The following AFG1L variants were observed in gnomAD, a reference collection of about 807,000 sequenced individuals.
The protein encoded by AFG1L is AFG1-like ATPase.
AFG1L carries 53 observed loss-of-function variants against 62.2 expected under a neutral mutation model. The observed-to-expected ratio is 0.85, with a 90% CI of 0.68 to 1.07. The LOEUF (loss-of-function observed/expected upper bound fraction) is 1.07. Ranked by LOEUF, AFG1L falls within the 50% of genes least tolerant of loss-of-function variation. The probability of loss-of-function intolerance (pLI) is 0.00; values close to 1 mark genes in which losing one functional copy is unlikely to be tolerated. For missense variants in AFG1L, 555 were observed against 590.5 expected, an observed-to-expected ratio of 0.94 and a Z score of 0.62; for synonymous variants, 228 against 210.3, an observed-to-expected ratio of 1.08 and a Z score of -0.73.
intron 1 of AFG1L, among the ~76,000 whole-genome samples, chr6:108,308,796 C>A (rs1777300305): frequency 6.6e-6 from 1 of 152,154 alleles, no homozygotes; most frequent in Non-Finnish European, 1.5e-5. Flanking sequence ...CTCTCCACCT[C>A]CCAGGTTCAA....
chr6:108,297,612 T>C (rs1031928902), intron 1 of AFG1L, among the ~76,000 whole-genome samples: 1 of 151,926 alleles, frequency 6.6e-6, no homozygotes, highest in Non-Finnish European at 1.5e-5. Context: ...CCTGGCACTT[T>C]GGAAGCCTGA....
At chr6:108,375,664 A>G (rs1464745143) in intron 6 of AFG1L, among the ~76,000 whole-genome samples, 1 of 152,198 alleles carries the variant, frequency 6.6e-6, no homozygotes, top group African/African-American at 2.4e-5. Flanking sequence ...CTTGCATCCC[A>G]GGACTGAGGC....
intron 7 of AFG1L, among the ~76,000 whole-genome samples, chr6:108,413,447 A>G (rs1464331918): frequency 2.0e-5 from 3 of 152,214 alleles, no homozygotes; most frequent in Non-Finnish European, 4.4e-5. Context: ...TCTCCACCCC[A>G]AATCAACAGA....
intron 11 of AFG1L, among the ~76,000 whole-genome samples, chr6:108,516,698 G>A (rs1008717284): frequency 1.3e-5 from 2 of 152,170 alleles, no homozygotes; most frequent in Non-Finnish European, 2.9e-5. Flanking sequence ...ATTCGGAAAA[G>A]AGGAAGTCAA....
At chr6:108,446,080 ACACACAC>A (rs1771779313) in intron 7 of AFG1L, among the ~76,000 whole-genome samples, 1 of 151,308 alleles carries the variant, frequency 6.6e-6, no homozygotes, top group South Asian at 2.1e-4. Context: ...ACACACACAC[ACACACAC>A]ACACACACAC....
At chr6:108,395,530 T>C (rs1781257318) in intron 6 of AFG1L, among the ~76,000 whole-genome samples, 1 of 150,712 alleles carries the variant, frequency 6.6e-6, no homozygotes, top group Non-Finnish European at 1.5e-5. Context: ...TCTTCCTGAG[T>C]AGCTGAAGCT....
At chr6:108,343,465 A>G (rs1453976013) in intron 2 of AFG1L, among the ~76,000 whole-genome samples, 2 of 152,122 alleles carry the variant, frequency 1.3e-5, no homozygotes, top group African/African-American at 2.4e-5. Context: ...TATATAATGT[A>G]GCAGTATTAG....
chr6:108,445,628 T>C (rs1771739907), intron 7 of AFG1L, among the ~76,000 whole-genome samples: 1 of 125,472 alleles, frequency 8.0e-6, no homozygotes, highest in Admixed American at 8.5e-5. Context: ...TAGGGACACC[T>C]AAGGTGAGAG....
intron 7 of AFG1L, among the ~76,000 whole-genome samples, chr6:108,433,793 A>T (rs916003148): frequency 1.4e-5 from 2 of 144,084 alleles, no homozygotes; most frequent in African/African-American, 5.2e-5. Context: ...GGGTTTCACC[A>T]TGTTGGCCAG....
intron 7 of AFG1L, among the ~76,000 whole-genome samples, chr6:108,417,279 CA>C (rs1770349821): frequency 7.8e-6 from 1 of 128,138 alleles, no homozygotes; most frequent in Non-Finnish European, 1.6e-5. Flanking sequence ...CACACACACA[CA>C]CACACACAAA....
chr6:108,390,244 C>T (rs1486098980), intron 6 of AFG1L, among the ~76,000 whole-genome samples: 1 of 152,166 alleles, frequency 6.6e-6, no homozygotes, highest in East Asian at 1.9e-4. Flanking sequence ...CTTCTCTACA[C>T]TGGTTATTCT....
At position 108,346,973 on chromosome 6, in the gene AFG1L, G is replaced by T. The variant is rs1244089027; in HGVS notation, c.364-15G>T. 2.5e-6 allele frequency: 4 copies of T among 1,591,688 alleles called. No homozygotes were observed. The highest frequency in any genetic ancestry group is 3.4e-6 in the Non-Finnish European group (4 of 1,161,166). On this transcript the variant is annotated splice_polypyrimidine_tract_variant and intron_variant, in intron 2 of 12. Coordinates refer to ENST00000368977, the MANE Select transcript of AFG1L (RefSeq NM_145315.5). Reference sequence around the variant, plus strand: ...TTTGCATGGTAGAGATTTATAATTTGTTCTTAATTTGCAGCTTTTTTCAAG... The same window carrying T: ...TTTGCATGGTAGAGATTTATAATTTTTTCTTAATTTGCAGCTTTTTTCAAG...
At chr6:108,317,973 C>T (rs1349696810) in intron 1 of AFG1L, 1 of 152,846 alleles carries the variant, frequency 6.5e-6, no homozygotes, top group East Asian at 1.9e-4. Context: ...ACTTGGGACT[C>T]CACAGCTTCA....
Position 108,355,410 on chromosome 6 carries a change from C to T in AFG1L, c.416-244C>T, listed in dbSNP as rs957479470. On this transcript the variant is annotated intron_variant, in intron 3 of 12. Coordinates refer to ENST00000368977, the MANE Select transcript of AFG1L (RefSeq NM_145315.5). Reference sequence around the variant, plus strand: ...ACATAGTTTTCAGGGGGAAATAGCCCGTGTAATGTTAACTAAATGTTGTAT... The same window carrying T: ...ACATAGTTTTCAGGGGGAAATAGCCTGTGTAATGTTAACTAAATGTTGTAT... 1.1e-4 allele frequency among the ~76,000 whole-genome samples: 17 copies of T among 152,114 alleles called. No individual in the cohort carries two copies. In the East Asian group the frequency reaches 1.2e-3, roughly 10 times the overall value.
intron 10 of AFG1L, among the ~76,000 whole-genome samples, chr6:108,486,094 AC>A (rs1456739133): frequency 4.6e-5 from 7 of 152,298 alleles, no homozygotes; most frequent in African/African-American, 1.7e-4. Context: ...TAAACAGAAG[AC>A]CTGTATGAAG....
At chr6:108,480,369 C>A (rs1773278998) in intron 10 of AFG1L, among the ~76,000 whole-genome samples, 2 of 152,068 alleles carry the variant, frequency 1.3e-5, no homozygotes, top group African/African-American at 4.8e-5. Context: ...TTTGAAACAC[C>A]AAGATGTTAA....
intron 8 of AFG1L, among the ~76,000 whole-genome samples, chr6:108,470,818 G>C (rs1435753818): frequency 6.6e-6 from 1 of 151,990 alleles, no homozygotes; most frequent in Non-Finnish European, 1.5e-5. Context: ...TACTATTTTT[G>C]TACTCCTCCC....
chr6:108,425,503 G>A (rs1770772740), intron 7 of AFG1L, among the ~76,000 whole-genome samples: 1 of 151,992 alleles, frequency 6.6e-6, no homozygotes, highest in Non-Finnish European at 1.5e-5. Context: ...TACAGTGGAG[G>A]CGACTGAGGC....
intron 2 of AFG1L, among the ~76,000 whole-genome samples, chr6:108,326,284 C>A (rs1002421075): frequency 1.3e-5 from 2 of 152,140 alleles, no homozygotes; most frequent in African/African-American, 4.8e-5. Flanking sequence ...TGTTGCCAGG[C>A]TGGTCTTGAA....
Sources: gnomAD v4.1 joint callset for allele counts (sites outside exome capture counted in the v4.1 genomes callset) on GRCh38, gnomAD v4.1.1 for gene constraint, MANE v1.5 for transcripts, NCBI Gene and HGNC (gene_info 2026-07-23, HGNC 2026-07-21) for gene names.